Variants in IPO5 observed in about 807,000 individuals in gnomAD.
IPO5 encodes the protein importin 5.
In IPO5, 18 loss-of-function variants were observed where a neutral mutation model predicts 143.3. That is an observed-to-expected ratio of 0.13 (90% confidence interval 0.09 to 0.19). The LOEUF is 0.19. IPO5 is among the 10% of genes least tolerant of loss of function. The pLI is 1.00. For synonymous variants in IPO5, 477 were observed against 465.7 expected (o/e 1.02, Z -0.31); for missense variants, 1,013 against 1,336.9 (o/e 0.76, Z 3.78).
At chr13:98,010,075 A>G (rs774882953) in intron 19 of IPO5, 28 bp from the exon 20 acceptor site, 4 of 1,613,408 alleles carry the variant, frequency 2.5e-6, no homozygotes, top group Non-Finnish European at 3.4e-6. Flanking sequence ...TATTTTTCAT[A>G]TGCATTTGTT....
chr13:97,983,134 G>T (rs1408787860), intron 5 of IPO5, among the ~76,000 whole-genome samples: 1 of 152,312 alleles, frequency 6.6e-6, no homozygotes, highest in East Asian at 1.9e-4. Flanking sequence ...GCCTCCGAAA[G>T]TGCTGGGATT....
At chr13:97,980,581 G>A (rs1196581522) in intron 4 of IPO5, among the ~76,000 whole-genome samples, 4 of 152,118 alleles carry the variant, frequency 2.6e-5, no homozygotes, top group Non-Finnish European at 4.4e-5. Flanking sequence ...TGTAATCCCA[G>A]CACTTTGGGA....
intron 11 of IPO5, among the ~76,000 whole-genome samples, chr13:97,995,194 G>C (rs1000862943): frequency 2.6e-5 from 2 of 76,144 alleles, no homozygotes; most frequent in African/African-American, 4.1e-5. Flanking sequence ...TTTTTTTTTT[G>C]TTTGTTTAAT....
At chr13:97,983,791 C>T (rs1887065776) in intron 5 of IPO5, among the ~76,000 whole-genome samples, 1 of 148,946 alleles carries the variant, frequency 6.7e-6, no homozygotes, top group South Asian at 2.1e-4. Context: ...TTCTTCCAGT[C>T]AGTCAGTTTA....
intron 3 of IPO5, among the ~76,000 whole-genome samples, chr13:97,975,196 C>T (rs1049557889): frequency 2.2e-5 from 3 of 133,498 alleles, no homozygotes; most frequent in South Asian, 2.2e-4. Flanking sequence ...TGTAGCTGGG[C>T]GCAGTGGCTC....
Position 97,992,910 on chromosome 13 carries a change from T to C in IPO5, c.688T>C (p.Tyr230His), listed in dbSNP as rs1887919161. ...TTTCTAGGCGGTAAATGACTCGTGC[T>C]ACCAGAATGATGATTCTGTCCTAAA... ...GFLQAVNDSC[Y>H]QNDDSVLKSL... Residue 230 changes from tyrosine to histidine, a missense_variant, in exon 10 of 29, where the codon TAC (tyrosine) becomes CAC (histidine). Tyr to His is a moderately conservative substitution (Grantham distance 83). Around this residue, in one of 2 missense-constraint regions of IPO5, gnomAD observed 328 missense variants for 342.0 expected, o/e 0.96. Coordinates refer to ENST00000651721, the MANE Select transcript of IPO5 (RefSeq NM_002271.6). The C allele has an allele frequency of 6.2e-7, 1 of 1,612,552 alleles. No homozygotes were observed.
chr13:98,002,698 G>C lies in IPO5; in HGVS notation c.1248G>C (p.Arg416Ser). ...LFLQDPHPRV[R>S]YAACNAVGQM... is the part of the protein sequence containing the mutation. ...ACATTTTCCAGCATCCAAGAGTAAG[G>C]TATGCAGCCTGTAATGCCGTGGGAC... is the stretch of plus-strand genomic sequence containing the variant. The change falls in exon 15 of 29, where the codon AGG (arginine) becomes AGC (serine). Residue 416 changes from arginine to serine, a missense_variant. Arg to Ser is a moderately radical substitution (Grantham distance 110). This residue lies in a region of IPO5 where 685 missense variants were observed against 994.9 expected (regional missense o/e 0.69). Transcript: ENST00000651721. 6.2e-7 allele frequency: 1 copy of C among 1,611,934 alleles called. No individual in the cohort carries two copies. The highest frequency in any genetic ancestry group is 2.2e-5 in the East Asian group (1 of 44,870).
rs553754879 is a variant in IPO5 at position 98,013,928 on chromosome 13, C to T, written c.2153-114C>T. 61 of 794,158 alleles carry T rather than the reference C, an allele frequency of 7.7e-5. No individual in the cohort carries two copies. In the African/African-American group the frequency reaches 9.1e-4, roughly 12 times the overall value. 49.2% of individuals were successfully genotyped at this position (794,158 alleles called of 1,614,324 possible). ...ATACATGCTTTATATTTAACACAAG[C>T]TCTTGGGTATCTTAGATAAACAGAA... On this transcript the variant is annotated intron_variant, in intron 21 of 28. Coordinates refer to ENST00000651721, the MANE Select transcript of IPO5 (RefSeq NM_002271.6).
chr13:98,014,253 A>C (rs1464855101), intron 22 of IPO5, 39 bp downstream of exon 22: 1 of 1,409,692 alleles, frequency 7.1e-7, no homozygotes, highest in Non-Finnish European at 9.8e-7. Context: ...ATAAGGTTGT[A>C]TGTTCATTTA....
intron 11 of IPO5, among the ~76,000 whole-genome samples, chr13:97,993,715 A>G (rs1352648142): frequency 6.6e-6 from 1 of 152,222 alleles, no homozygotes; most frequent in Admixed American, 6.5e-5. Flanking sequence ...TGCTATGGAA[A>G]TACTACTTTA....
chr13:98,015,517 T>C lies in IPO5; in HGVS notation c.2326-13T>C, dbSNP rs756684785. ...AAATCTTATGGATTGCTTTCTTTCCTCAACCTCATTAGTGCATTGAAGTAA... is the reference window on the plus strand; with the variant it reads ...AAATCTTATGGATTGCTTTCTTTCCCCAACCTCATTAGTGCATTGAAGTAA... On this transcript the variant is annotated splice_polypyrimidine_tract_variant and intron_variant, in intron 22 of 28. Coordinates refer to ENST00000651721, the MANE Select transcript of IPO5 (RefSeq NM_002271.6). 5.3e-6 allele frequency: 8 copies of C among 1,499,990 alleles called. No homozygotes were observed. Among genetic ancestry groups the C allele is most frequent in the Admixed American group, 1.8e-5 (1 of 54,942 alleles). 92.9% of individuals were successfully genotyped at this position (1,499,990 alleles called of 1,614,324 possible).
intron 2 of IPO5, among the ~76,000 whole-genome samples, chr13:97,962,522 A>G (rs1354110615): frequency 6.6e-6 from 1 of 152,138 alleles, no homozygotes; most frequent in Non-Finnish European, 1.5e-5. Context: ...AAATGAACCA[A>G]TAAGAAATAG....
intron 2 of IPO5, among the ~76,000 whole-genome samples, chr13:97,964,488 C>A (rs1286519157): frequency 7.0e-6 from 1 of 143,210 alleles, no homozygotes; most frequent in Admixed American, 7.1e-5. Context: ...CGCTCTGTCA[C>A]CCAGGCTGGA....
At chr13:97,967,955 T>C (rs1428657336) in intron 2 of IPO5, among the ~76,000 whole-genome samples, 1 of 152,084 alleles carries the variant, frequency 6.6e-6, no homozygotes, top group African/African-American at 2.4e-5. Flanking sequence ...ATTTCTCTTG[T>C]GATTTTTTTC....
intron 3 of IPO5, among the ~76,000 whole-genome samples, chr13:97,972,596 G>A (rs991151833): frequency 6.6e-6 from 1 of 152,226 alleles, no homozygotes; most frequent in African/African-American, 2.4e-5. Flanking sequence ...AGCACTTAAT[G>A]GAAGTAGTGC....
At chr13:98,017,502 G>A (rs7983384) in intron 25 of IPO5, among the ~76,000 whole-genome samples, 1 of 151,658 alleles carries the variant, frequency 6.6e-6, no homozygotes, top group African/African-American at 2.4e-5. Flanking sequence ...GTTTCACCAT[G>A]TTGACCAGGC....
At chr13:98,004,093 C>A (rs1213688692) in intron 16 of IPO5, among the ~76,000 whole-genome samples, 1 of 152,054 alleles carries the variant, frequency 6.6e-6, no homozygotes, top group Non-Finnish European at 1.5e-5. Context: ...TGTTTATTGT[C>A]AAATGCAATG....
intron 13 of IPO5, 85 bp from the exon 14 acceptor site, chr13:98,002,382 A>G (rs1019291813): frequency 1.5e-6 from 2 of 1,356,150 alleles, no homozygotes; most frequent in African/African-American, 1.5e-5. Context: ...TCTTTTCCAA[A>G]TAAGAACTTT....
intron 25 of IPO5, among the ~76,000 whole-genome samples, chr13:98,018,161 T>C (rs1294549326): frequency 2.6e-5 from 4 of 152,222 alleles, no homozygotes; most frequent in Non-Finnish European, 5.9e-5. Flanking sequence ...TTTATTATTA[T>C]TGTATTTTTT....
Sources: gnomAD v4.1 joint callset for allele counts (sites outside exome capture counted in the v4.1 genomes callset) on GRCh38, gnomAD v4.1.1 for gene constraint, gnomAD v4.1.1 regional missense constraint, MANE v1.5 for transcripts, NCBI Gene and HGNC (gene_info 2026-07-23, HGNC 2026-07-21) for gene names.